Variants in SPOCK1 observed in about 807,000 individuals in gnomAD.
The protein encoded by SPOCK1 is testican-1.
A neutral mutation model predicts 55.3 loss-of-function variants in SPOCK1; 23 were observed. The ratio of observed to expected loss-of-function variants is 0.42; its 90% CI spans 0.30 to 0.59. The LOEUF is 0.59. Ranked by LOEUF, SPOCK1 falls within the 20% of genes least tolerant of loss-of-function variation. SPOCK1 has a pLI of 0.22. For missense variants in SPOCK1, 499 were observed against 552.5 expected (o/e 0.90, Z 0.97); for synonymous variants, 226 against 221.0 (o/e 1.02, Z -0.20).
chr5:137,054,023 T>A (rs1227669223), intron 6 of SPOCK1, among the ~76,000 whole-genome samples: 23 of 152,126 alleles, frequency 1.5e-4, no homozygotes, highest in Non-Finnish European at 3.4e-4. Context: ...GCTGGTATTG[T>A]CAAATTGTAC....
At chr5:137,119,331 C>A (rs1049682920) in intron 4 of SPOCK1, among the ~76,000 whole-genome samples, 1 of 152,120 alleles carries the variant, frequency 6.6e-6, no homozygotes, top group Non-Finnish European at 1.5e-5. Context: ...GAACCAGAGA[C>A]AAAATAATGA....
chr5:137,357,869 C>T (rs187994233), intron 2 of SPOCK1, among the ~76,000 whole-genome samples: 84 of 152,262 alleles, frequency 5.5e-4, no homozygotes, highest in African/African-American at 2.0e-3. Context: ...TAATAATCCA[C>T]CTTTCATCAG....
intron 6 of SPOCK1, among the ~76,000 whole-genome samples, chr5:137,011,978 C>G (rs1209639536): frequency 6.6e-6 from 1 of 152,196 alleles, no homozygotes; most frequent in Non-Finnish European, 1.5e-5. Flanking sequence ...TTGCCAATAC[C>G]CATGTTAGCA....
chr5:137,115,105 G>C (rs990116286), intron 4 of SPOCK1, among the ~76,000 whole-genome samples: 1 of 152,112 alleles, frequency 6.6e-6, no homozygotes, highest in Non-Finnish European at 1.5e-5. Flanking sequence ...GGGAAGCAAC[G>C]AGGTGAGGCT....
intron 2 of SPOCK1, among the ~76,000 whole-genome samples, chr5:137,451,057 C>G (rs1753245276): frequency 6.6e-6 from 1 of 152,158 alleles, no homozygotes; most frequent in Non-Finnish European, 1.5e-5. Flanking sequence ...TGCTCTGAAG[C>G]CACTGATAAT....
At chr5:137,164,880 A>G (rs1273043984) in intron 3 of SPOCK1, among the ~76,000 whole-genome samples, 1 of 152,176 alleles carries the variant, frequency 6.6e-6, no homozygotes, top group African/African-American at 2.4e-5. Flanking sequence ...TTGTGGTCTG[A>G]CTGCCAACTC....
At chr5:137,378,690 G>A (rs1020758204) in intron 2 of SPOCK1, among the ~76,000 whole-genome samples, 4 of 152,196 alleles carry the variant, frequency 2.6e-5, no homozygotes, top group African/African-American at 9.6e-5. Context: ...TTGGTACCAG[G>A]CAAACATGCC....
At chr5:137,242,405 A>G (rs562078953) in intron 3 of SPOCK1, among the ~76,000 whole-genome samples, 144 of 152,288 alleles carry the variant, frequency 9.5e-4, no homozygotes, top group Non-Finnish European at 1.7e-3. Flanking sequence ...GGTGCCTGCC[A>G]CCATGTAAGA....
At chr5:137,161,684 C>T (rs1278159992) in intron 3 of SPOCK1, among the ~76,000 whole-genome samples, 8 of 152,066 alleles carry the variant, frequency 5.3e-5, no homozygotes, top group African/African-American at 1.9e-4. Flanking sequence ...TTAACAAGTT[C>T]ATAATAAATG....
chr5:137,407,437 G>A lies in SPOCK1; in HGVS notation c.186+90936C>T, dbSNP rs1390742629. 2.0e-5 allele frequency among the ~76,000 whole-genome samples: 3 copies of A among 152,118 alleles called. No homozygotes were observed. In the East Asian group the frequency reaches 5.8e-4, roughly 29 times the overall value. On this transcript the variant is annotated intron_variant, in intron 2 of 10. Transcript: ENST00000394945. Reference sequence around the variant, plus strand: ...TGAGACACAGGAACCCAGGGTTCTTGCAGTCACTCACCAGCTTGGTGTACC... The same window carrying A: ...TGAGACACAGGAACCCAGGGTTCTTACAGTCACTCACCAGCTTGGTGTACC...
chr5:137,230,173 G>A (rs913172180), intron 3 of SPOCK1, among the ~76,000 whole-genome samples: 6 of 152,324 alleles, frequency 3.9e-5, no homozygotes, highest in African/African-American at 9.6e-5. Context: ...CTGAGTGCAC[G>A]TAAGATGCAT....
chr5:137,038,568 A>G (rs1159784559), intron 6 of SPOCK1, among the ~76,000 whole-genome samples: 1 of 152,242 alleles, frequency 6.6e-6, no homozygotes, highest in Non-Finnish European at 1.5e-5. Flanking sequence ...TTAATGCCAG[A>G]ACAACAACAA....
At chr5:137,133,482 A>T (rs1368816164) in intron 4 of SPOCK1, among the ~76,000 whole-genome samples, 1 of 152,214 alleles carries the variant, frequency 6.6e-6, no homozygotes, top group Non-Finnish European at 1.5e-5. Flanking sequence ...GGGACTAAAA[A>T]TTCCACATAA....
At chr5:136,981,740 A>C (rs1384319929) in intron 9 of SPOCK1, among the ~76,000 whole-genome samples, 2 of 152,208 alleles carry the variant, frequency 1.3e-5, no homozygotes, top group African/African-American at 4.8e-5. Context: ...TTCAATGCCT[A>C]GATTCAGGAA....
chr5:137,133,301 C>T lies in SPOCK1; in HGVS notation c.347+7279G>A, dbSNP rs894882940. Reference sequence around the variant, plus strand: ...AGAAAAATTGCTCAAACCCAGGAGGCGGAGGTTGCAGTGAGCCAAGATTGC... The same window carrying T: ...AGAAAAATTGCTCAAACCCAGGAGGTGGAGGTTGCAGTGAGCCAAGATTGC... On this transcript the variant is annotated intron_variant, in intron 4 of 10. Coordinates refer to ENST00000394945, the MANE Select transcript of SPOCK1 (RefSeq NM_004598.4). Among the ~76,000 whole-genome samples the T allele has an allele frequency of 7.4e-5, 11 of 149,464 alleles. No individual in the cohort carries two copies. The South Asian group carries it at 8.5e-4, about 11-fold the overall frequency.
At chr5:137,269,692 A>C (rs2961650) in intron 2 of SPOCK1, among the ~76,000 whole-genome samples, 130,244 of 152,112 alleles carry the variant, frequency 0.86, 56,064 homozygotes, top group African/African-American at 0.94. Flanking sequence ...AGGCACAGTC[A>C]AAACTCAAGT....
chr5:137,181,916 A>T (rs1247647364), intron 3 of SPOCK1, among the ~76,000 whole-genome samples: 1 of 152,216 alleles, frequency 6.6e-6, no homozygotes, highest in Non-Finnish European at 1.5e-5. Context: ...CATGAAGTTG[A>T]CATGCTCCCA....
At chr5:137,454,295 C>T (rs193245801) in intron 2 of SPOCK1, among the ~76,000 whole-genome samples, 128 of 152,260 alleles carry the variant, frequency 8.4e-4, no homozygotes, top group African/African-American at 3.0e-3. Flanking sequence ...CCAACTCTGG[C>T]AACCACAGGG....
At chr5:137,309,805 ATC>A (rs1757759738) in intron 2 of SPOCK1, among the ~76,000 whole-genome samples, 1 of 151,976 alleles carries the variant, frequency 6.6e-6, no homozygotes, top group Non-Finnish European at 1.5e-5. Context: ...CATGTGAAGC[ATC>A]TAGTATCATG....
Sources: allele counts gnomAD v4.1 joint callset (sites outside exome capture counted in the v4.1 genomes callset), GRCh38; gene constraint gnomAD v4.1.1; transcripts MANE v1.5; gene names NCBI Gene and HGNC (gene_info 2026-07-23, HGNC 2026-07-21).